The following HRH1 variants were observed in gnomAD, a reference collection of about 807,000 sequenced individuals.
HRH1 encodes the protein histamine H1 receptor.
A neutral mutation model predicts 10.3 loss-of-function variants in HRH1; 6 were observed. That is an observed-to-expected ratio of 0.58 (90% CI 0.32 to 1.15). The LOEUF is 1.15. Among genes scored for constraint, HRH1 ranks in the 50% most tolerant of loss-of-function variants. The probability of loss-of-function intolerance (pLI) is 0.05; values close to 1 mark genes in which losing one functional copy is unlikely to be tolerated. For synonymous variants in HRH1, 242 were observed against 236.7 expected, an observed-to-expected ratio of 1.02 and a Z score of -0.21; for missense variants, 514 against 615.3, an observed-to-expected ratio of 0.84 and a Z score of 1.74.
rs186756339 is a variant in HRH1, at chr3:11,195,535, G to A, written c.-36+40981G>A. Among the ~76,000 whole-genome samples the A allele has an allele frequency of 1.4e-4, 21 of 152,308 alleles. 1 individual carries two copies. In the East Asian group the frequency reaches 3.5e-3, roughly 25 times the overall value. On this transcript the variant is annotated intron_variant, in intron 1 of 1. Coordinates refer to ENST00000431010, the MANE Select transcript of HRH1 (RefSeq NM_001098212.2). ...ACCTGGTGTGGCTGTGCTGAAGCTC[G>A]AGGGTCTACGTGTATTCAGCAGAAC...
chr3:11,219,436 G>A lies in HRH1; in HGVS notation c.-35-39567G>A, dbSNP rs146986788. 1.4e-3 allele frequency among the ~76,000 whole-genome samples: 208 copies of A among 152,182 alleles called. 3 individuals are homozygous for A. In the East Asian group the frequency reaches 0.028, roughly 20 times the overall value. On this transcript the variant is annotated intron_variant, in intron 1 of 1. Transcript: ENST00000431010. The stretch of plus-strand genomic sequence containing the variant: ...TGCCACAGTTAAAAATAAATAGGCT[G>A]GGCACGGTGGCTCATGCCTGTAATC...
intron 1 of HRH1, among the ~76,000 whole-genome samples, chr3:11,172,489 C>A (rs1937169483): frequency 6.6e-6 from 1 of 152,150 alleles, no homozygotes; most frequent in Non-Finnish European, 1.5e-5. Context: ...GAAATTGGAA[C>A]CCTCTATGGG....
Position 11,245,954 on chromosome 3 carries a change from C to T in HRH1, c.-35-13049C>T, listed in dbSNP as rs544571941. On this transcript the variant is annotated intron_variant, in intron 1 of 1. Transcript: ENST00000431010. ...ACATACACACTCACACTCACTCATA[C>T]ATACTCATACACACACACTCATGTA... 3.3e-5 allele frequency among the ~76,000 whole-genome samples: 5 copies of T among 152,018 alleles called. 1 individual carries two copies. The South Asian group carries it at 6.2e-4, about 19-fold the overall frequency.
chr3:11,167,521 A>C (rs9860356), intron 1 of HRH1, among the ~76,000 whole-genome samples: 107 of 106,742 alleles, frequency 1.0e-3, no homozygotes, highest in South Asian at 3.7e-3. Context: ...TGTCCCCTGC[A>C]TTCTCCAGGC....
upstream of HRH1, among the ~76,000 whole-genome samples, chr3:11,151,711 G>A (rs1201746496): frequency 6.6e-6 from 1 of 152,064 alleles, no homozygotes; most frequent in African/African-American, 2.4e-5. Flanking sequence ...GTGTTTCCCA[G>A]GCTAGTCTCA....
At chr3:11,198,903 TACACACACACAC>T (rs59431924) in intron 1 of HRH1, among the ~76,000 whole-genome samples, 16 of 103,184 alleles carry the variant, frequency 1.6e-4, no homozygotes, top group Non-Finnish European at 1.0e-4. Context: ...TCTCTCTTTA[TACACACACACAC>T]ACACACACAC....
chr3:11,141,919 T>C (rs1469946156), intron 1 of HRH1, among the ~76,000 whole-genome samples: 1 of 152,140 alleles, frequency 6.6e-6, no homozygotes, highest in Non-Finnish European at 1.5e-5. Flanking sequence ...CATGTCTGCC[T>C]AGCTCCTGTT....
At chr3:11,239,555 T>A (rs1038980009) in intron 1 of HRH1, among the ~76,000 whole-genome samples, 3 of 152,220 alleles carry the variant, frequency 2.0e-5, no homozygotes, top group Admixed American at 1.3e-4. Context: ...AAATTCCTTA[T>A]GCCTTTGGTG....
intron 1 of HRH1, among the ~76,000 whole-genome samples, chr3:11,158,609 T>C (rs1390250100): frequency 6.6e-6 from 1 of 152,222 alleles, no homozygotes; most frequent in Non-Finnish European, 1.5e-5. Context: ...TAATATCTCG[T>C]GACATGGCTT....
intron 1 of HRH1, among the ~76,000 whole-genome samples, chr3:11,138,339 C>T (rs1324693501): frequency 1.3e-5 from 2 of 151,980 alleles, no homozygotes; most frequent in African/African-American, 2.4e-5. Flanking sequence ...GGAACTCTTA[C>T]AACTCAACAC....
At chr3:11,153,418 C>T (rs1299652984), upstream of HRH1, among the ~76,000 whole-genome samples, 1 of 152,048 alleles carries the variant, frequency 6.6e-6, no homozygotes, top group Non-Finnish European at 1.5e-5. Flanking sequence ...GAGCCTCAGA[C>T]CCAGCTCTGT....
chr3:11,222,684 T>A (rs999301247), intron 1 of HRH1, among the ~76,000 whole-genome samples: 1 of 151,866 alleles, frequency 6.6e-6, no homozygotes, highest in Non-Finnish European at 1.5e-5. Context: ...CAGGGCCCAC[T>A]TGCACAAATA....
rs1176484086 is a variant in HRH1, at chr3:11,260,694, T to C, written c.*193T>C. On this transcript the variant is annotated 3_prime_UTR_variant, in exon 2 of 2. Coordinates refer to ENST00000431010, the MANE Select transcript of HRH1 (RefSeq NM_001098212.2). ...CAGATGGCGGTGATCAGCAGAGAGA[T>C]TGAACTTTGAGGAGGAAGCAGAATC... The C allele has an allele frequency of 5.6e-6, 3 of 539,372 alleles. No homozygotes were observed. Among genetic ancestry groups the C allele is most frequent in the African/African-American group, 1.9e-5 (1 of 52,878 alleles). The allele number at this position is 539,372 out of a possible 1,614,324, so 33.4% of individuals were successfully genotyped here. A position where few individuals can be genotyped will look rare whatever the true frequency, so the allele number is the denominator to read the frequency against.
intron 1 of HRH1, among the ~76,000 whole-genome samples, chr3:11,186,852 G>A (rs1459753915): frequency 3.3e-5 from 5 of 152,188 alleles, no homozygotes; most frequent in Non-Finnish European, 2.9e-5. Context: ...TAGGAATTTA[G>A]TATGTATGAA....
intron 1 of HRH1, among the ~76,000 whole-genome samples, chr3:11,221,472 T>C (rs547516347): frequency 6.6e-6 from 1 of 151,850 alleles, no homozygotes; most frequent in South Asian, 2.1e-4. Flanking sequence ...GGAGAATCGC[T>C]TGAACCCAGG....
chr3:11,182,045 C>G (rs529947756), intron 1 of HRH1, among the ~76,000 whole-genome samples: 4 of 152,258 alleles, frequency 2.6e-5, no homozygotes, highest in African/African-American at 7.2e-5. Flanking sequence ...TGCAGTGACA[C>G]AATCTCGGCT....
chr3:11,188,587 A>G (rs776483395), intron 1 of HRH1, among the ~76,000 whole-genome samples: 1 of 152,216 alleles, frequency 6.6e-6, no homozygotes, highest in African/African-American at 2.4e-5. Flanking sequence ...ATACACACCC[A>G]AAGATTTATA....
At chr3:11,254,991 G>A (rs1013919981) in intron 1 of HRH1, among the ~76,000 whole-genome samples, 5 of 152,310 alleles carry the variant, frequency 3.3e-5, no homozygotes, top group East Asian at 3.9e-4. Flanking sequence ...CTATTAGGTG[G>A]GAAGGAAGAG....
At chr3:11,205,693 G>A (rs1403215210) in intron 1 of HRH1, among the ~76,000 whole-genome samples, 10 of 148,146 alleles carry the variant, frequency 6.8e-5, no homozygotes, top group African/African-American at 2.0e-4. Flanking sequence ...AGACAGTCTC[G>A]TTCTGTTGCC....
Sources: gnomAD v4.1 joint callset for allele counts (sites outside exome capture counted in the v4.1 genomes callset) on GRCh38, gnomAD v4.1.1 for gene constraint, MANE v1.5 for transcripts, NCBI Gene and HGNC (gene_info 2026-07-23, HGNC 2026-07-21) for gene names.